The following CRPPA variants were observed in gnomAD, a reference collection of about 807,000 sequenced individuals.
The protein encoded by CRPPA is D-ribitol-5-phosphate cytidylyltransferase.
In CRPPA, 43 loss-of-function variants were observed where a neutral mutation model predicts 52.0. The observed-to-expected ratio is 0.83, with a 90% CI of 0.65 to 1.07. The LOEUF (loss-of-function observed/expected upper bound fraction) is 1.07, where lower values mean the gene tolerates loss of function less well. Ranked by LOEUF, CRPPA falls within the 50% of genes least tolerant of loss-of-function variation. The probability of loss-of-function intolerance (pLI) is 0.00; values close to 1 mark genes in which losing one functional copy is unlikely to be tolerated. For missense variants in CRPPA, 629 were observed against 551.7 expected (o/e 1.14, Z -1.40); for synonymous variants, 250 against 203.5 (o/e 1.23, Z -1.94).
intron 5 of CRPPA, among the ~76,000 whole-genome samples, chr7:16,282,424 C>A (rs1009725788): frequency 6.6e-6 from 1 of 151,814 alleles, no homozygotes; most frequent in Non-Finnish European, 1.5e-5. Flanking sequence ...TAAACACCAC[C>A]CCATTAAGTA....
chr7:16,166,515 G>A (rs557077058), intron 9 of CRPPA, among the ~76,000 whole-genome samples: 1 of 152,142 alleles, frequency 6.6e-6, no homozygotes, highest in South Asian at 2.1e-4. Flanking sequence ...CCTGACCTCA[G>A]GTAATCCACC....
chr7:16,211,930 T>C (rs1453759393), intron 9 of CRPPA, among the ~76,000 whole-genome samples: 1 of 152,236 alleles, frequency 6.6e-6, no homozygotes, highest in Non-Finnish European at 1.5e-5. Flanking sequence ...GGTTTATACT[T>C]GTGATACAAG....
intron 9 of CRPPA, among the ~76,000 whole-genome samples, chr7:16,124,339 T>C (rs1388684847): frequency 5.3e-5 from 8 of 152,104 alleles, no homozygotes; most frequent in African/African-American, 1.9e-4. Flanking sequence ...TGTATTATTT[T>C]GAGAAGTGAC....
At chr7:16,234,946 A>C (rs1220195912) in intron 8 of CRPPA, among the ~76,000 whole-genome samples, 1 of 152,100 alleles carries the variant, frequency 6.6e-6, no homozygotes, top group Non-Finnish European at 1.5e-5. Context: ...CACAGGGTAC[A>C]TGTGGAGAAC....
intron 6 of CRPPA, among the ~76,000 whole-genome samples, chr7:16,266,649 T>C (rs983691349): frequency 6.6e-6 from 1 of 152,040 alleles, no homozygotes; most frequent in East Asian, 1.9e-4. Flanking sequence ...TGACTAATTT[T>C]TGTATTTTTA....
At chr7:16,221,027 C>T (rs1782484241) in intron 8 of CRPPA, among the ~76,000 whole-genome samples, 1 of 152,092 alleles carries the variant, frequency 6.6e-6, no homozygotes, top group Admixed American at 6.5e-5. Flanking sequence ...AGGCATCACA[C>T]TACCTGACTT....
intron 2 of CRPPA, among the ~76,000 whole-genome samples, chr7:16,389,925 AAAAATAT>A (rs1334242540): frequency 1.8e-4 from 13 of 72,352 alleles, no homozygotes; most frequent in Admixed American, 3.2e-4. Flanking sequence ...AAAAAAAAAA[AAAAATAT>A]ATATATATAT....
intron 6 of CRPPA, among the ~76,000 whole-genome samples, chr7:16,267,318 A>G (rs1195251497): frequency 6.6e-6 from 1 of 152,208 alleles, no homozygotes; most frequent in Non-Finnish European, 1.5e-5. Context: ...TCGAATTTCA[A>G]TGTCTATGGG....
chr7:16,090,918 A>G lies in CRPPA; in HGVS notation c.*777T>C, dbSNP rs1781824611. 1 of 152,240 alleles carries G rather than the reference A, an allele frequency of 6.6e-6. No homozygotes were observed. The highest frequency in any genetic ancestry group is 2.1e-4 in the South Asian group (1 of 4,838). 9.4% of individuals were successfully genotyped at this position (152,240 alleles called of 1,614,324 possible). On this transcript the variant is annotated 3_prime_UTR_variant, in exon 10 of 10. Transcript: ENST00000407010. ...GAATTGAAATAACTAATTTAACTCT[A>G]TGATGTACAATAGATTCTCTACCTT...
At chr7:16,263,406 C>G (rs1363343725) in intron 6 of CRPPA, among the ~76,000 whole-genome samples, 1 of 152,182 alleles carries the variant, frequency 6.6e-6, no homozygotes, top group Non-Finnish European at 1.5e-5. Flanking sequence ...TTCTTCAAAG[C>G]TATTATGTAT....
At chr7:16,259,652 A>T (rs1562592220) in intron 6 of CRPPA, among the ~76,000 whole-genome samples, 1 of 151,980 alleles carries the variant, frequency 6.6e-6, no homozygotes, top group Admixed American at 6.6e-5. Flanking sequence ...AGCTTCTTTT[A>T]AGATTTTTCT....
intron 2 of CRPPA, among the ~76,000 whole-genome samples, chr7:16,395,926 G>T (rs911914068): frequency 2.2e-4 from 34 of 152,278 alleles, no homozygotes; most frequent in African/African-American, 7.7e-4. Context: ...TCACATAGTA[G>T]CTTCCCCAAC....
At chr7:16,327,074 G>T (rs1477283281) in intron 3 of CRPPA, among the ~76,000 whole-genome samples, 1 of 152,034 alleles carries the variant, frequency 6.6e-6, no homozygotes, top group Non-Finnish European at 1.5e-5. Flanking sequence ...TTAACTTTTT[G>T]TTCTATTTTT....
intron 9 of CRPPA, among the ~76,000 whole-genome samples, chr7:16,120,100 A>G (rs928746580): frequency 3.9e-5 from 6 of 152,198 alleles, no homozygotes; most frequent in African/African-American, 1.4e-4. Context: ...AGCCATAAAG[A>G]AGAAAATGGT....
chr7:16,346,196 T>G (rs1183412039), intron 3 of CRPPA, among the ~76,000 whole-genome samples: 1 of 152,074 alleles, frequency 6.6e-6, no homozygotes, highest in African/African-American at 2.4e-5. Flanking sequence ...CAAGATAAAG[T>G]CCCTGCCTTT....
At chr7:16,347,957 C>T (rs1464138244) in intron 3 of CRPPA, among the ~76,000 whole-genome samples, 1 of 152,078 alleles carries the variant, frequency 6.6e-6, no homozygotes, top group African/African-American at 2.4e-5. Context: ...AAAAGCACTT[C>T]CAGGGGCCTC....
chr7:16,188,316 G>C (rs143280451), intron 9 of CRPPA, among the ~76,000 whole-genome samples: 11 of 152,180 alleles, frequency 7.2e-5, no homozygotes, highest in African/African-American at 1.9e-4. Flanking sequence ...GAGAACAAAT[G>C]TATGGTGTGA....
At chr7:16,400,228 T>G (rs954624685) in intron 2 of CRPPA, among the ~76,000 whole-genome samples, 2 of 88,940 alleles carry the variant, frequency 2.2e-5, no homozygotes, top group Admixed American at 1.1e-4. Context: ...AACACGTGGC[T>G]GACACAAGAT....
chr7:16,218,339 G>A (rs1464956362), intron 8 of CRPPA, among the ~76,000 whole-genome samples: 1 of 132,002 alleles, frequency 7.6e-6, no homozygotes, highest in Non-Finnish European at 1.6e-5. Context: ...GCAAAATCAT[G>A]CCAAAATGTA....
Sources: allele counts gnomAD v4.1 joint callset (sites outside exome capture counted in the v4.1 genomes callset), GRCh38; gene constraint gnomAD v4.1.1; transcripts MANE v1.5; gene names NCBI Gene and HGNC (gene_info 2026-07-23, HGNC 2026-07-21).